RAB38: variants seen among roughly 807,000 people sequenced by gnomAD.
RAB38 encodes ras-related protein Rab-38.
In RAB38, 15 loss-of-function variants were observed where a neutral mutation model predicts 18.4. The observed-to-expected ratio is 0.82, with a 90% CI of 0.55 to 1.26. The LOEUF (loss-of-function observed/expected upper bound fraction) is 1.26, where lower values mean the gene tolerates loss of function less well. Ranked by LOEUF, RAB38 falls within the 50% of genes most tolerant of loss-of-function variation. The pLI is 0.00. For missense variants in RAB38, 294 were observed against 267.4 expected (o/e 1.10, Z -0.69); for synonymous variants, 101 against 104.4 (o/e 0.97, Z 0.20).
the RAB38 span, among the ~76,000 whole-genome samples, chr11:87,855,318 G>GA: frequency 1.4e-4 from 22 of 152,104 alleles, no homozygotes; most frequent in African/African-American, 5.1e-4. Context: ...TCATACCCAG[G>GA]AAAAAACATA....
chr11:88,091,175 T>C, the RAB38 span, among the ~76,000 whole-genome samples: 1 of 151,970 alleles, frequency 6.6e-6, no homozygotes, highest in African/African-American at 2.4e-5. Flanking sequence ...GCTCACCCAA[T>C]ATTGGGAGCA....
At chr11:88,008,924 G>T in the RAB38 span, among the ~76,000 whole-genome samples, 1 of 152,214 alleles carries the variant, frequency 6.6e-6, no homozygotes, top group Non-Finnish European at 1.5e-5. Context: ...CGCCCGCCTC[G>T]GCCTCCCAAA....
At chr11:87,877,183 T>C in the RAB38 span, among the ~76,000 whole-genome samples, 6 of 151,558 alleles carry the variant, frequency 4.0e-5, no homozygotes, top group Non-Finnish European at 8.9e-5. Flanking sequence ...GACCTCTTTA[T>C]ACACTGCTTC....
At chr11:87,858,249 G>A in the RAB38 span, among the ~76,000 whole-genome samples, 1 of 151,948 alleles carries the variant, frequency 6.6e-6, no homozygotes, top group African/African-American at 2.4e-5. Context: ...CAGTATGCCT[G>A]GAATCAGCAT....
chr11:88,146,985 A>T (rs1942995499), intron 2 of RAB38, among the ~76,000 whole-genome samples: 1 of 152,208 alleles, frequency 6.6e-6, no homozygotes, highest in South Asian at 2.1e-4. Flanking sequence ...GGTACTAAAC[A>T]TTGTGTCCTT....
At chr11:87,955,532 G>A in the RAB38 span, among the ~76,000 whole-genome samples, 1 of 152,118 alleles carries the variant, frequency 6.6e-6, no homozygotes, top group Admixed American at 6.6e-5. Context: ...TAAAGTATCA[G>A]TAGACAATAT....
At chr11:87,931,656 A>G in the RAB38 span, among the ~76,000 whole-genome samples, 1 of 152,124 alleles carries the variant, frequency 6.6e-6, no homozygotes, top group Non-Finnish European at 1.5e-5. Context: ...TATTTGGATT[A>G]CCCATAATAT....
chr11:88,143,074 C>A (rs1324507489), intron 2 of RAB38, among the ~76,000 whole-genome samples: 1 of 152,162 alleles, frequency 6.6e-6, no homozygotes, highest in Non-Finnish European at 1.5e-5. Context: ...TACGGTAGTG[C>A]AATGTGGTGG....
At chr11:88,129,908 T>G (rs1942746198) in intron 2 of RAB38, among the ~76,000 whole-genome samples, 1 of 152,122 alleles carries the variant, frequency 6.6e-6, no homozygotes, top group East Asian at 1.9e-4. Flanking sequence ...CATATGCAAT[T>G]CTAATATTCA....
chr11:87,929,840 T>A, the RAB38 span, among the ~76,000 whole-genome samples: 7 of 151,966 alleles, frequency 4.6e-5, no homozygotes, highest in African/African-American at 1.7e-4. Flanking sequence ...TTGCGATAGT[T>A]TGCTGAGAAT....
chr11:87,817,648 C>T, the RAB38 span: 2 of 152,042 alleles, frequency 1.3e-5, no homozygotes, highest in African/African-American at 2.4e-5. Context: ...TCACATATTC[C>T]TCAATTGGAA....
At chr11:88,076,302 A>G in the RAB38 span, among the ~76,000 whole-genome samples, 1 of 152,104 alleles carries the variant, frequency 6.6e-6, no homozygotes, top group Non-Finnish European at 1.5e-5. Flanking sequence ...TACATAACAA[A>G]CCTACAGCTA....
At chr11:88,018,442 A>G in the RAB38 span, among the ~76,000 whole-genome samples, 17 of 152,172 alleles carry the variant, frequency 1.1e-4, no homozygotes, top group Admixed American at 5.9e-4. Flanking sequence ...TTATCCTTCC[A>G]TCTCTCTTCT....
chr11:87,975,014 G>A, the RAB38 span, among the ~76,000 whole-genome samples: 2 of 151,836 alleles, frequency 1.3e-5, no homozygotes, highest in African/African-American at 2.4e-5. Context: ...TAATGGAAAA[G>A]CCGTTCTATG....
At chr11:87,971,231 T>C in the RAB38 span, among the ~76,000 whole-genome samples, 3 of 152,060 alleles carry the variant, frequency 2.0e-5, no homozygotes, top group Non-Finnish European at 2.9e-5. Context: ...GTGGATTTAA[T>C]TGGCTATGAG....
chr11:87,854,262 A>G, the RAB38 span, among the ~76,000 whole-genome samples: 2 of 152,216 alleles, frequency 1.3e-5, no homozygotes, highest in Non-Finnish European at 1.5e-5. Context: ...GTGATGTGAT[A>G]TCAGATAAAT....
At chr11:88,086,880 C>T in the RAB38 span, among the ~76,000 whole-genome samples, 1 of 151,816 alleles carries the variant, frequency 6.6e-6, no homozygotes, top group South Asian at 2.1e-4. Flanking sequence ...GTGCCAGTAT[C>T]TACAAAATAA....
the RAB38 span, among the ~76,000 whole-genome samples, chr11:87,848,315 T>G: frequency 2.0e-5 from 3 of 152,106 alleles, no homozygotes; most frequent in Non-Finnish European, 4.4e-5. Context: ...AGCATATCCT[T>G]TCATGCTGGC....
At chr11:87,941,168 G>C in the RAB38 span, among the ~76,000 whole-genome samples, 3 of 125,562 alleles carry the variant, frequency 2.4e-5, no homozygotes, top group Non-Finnish European at 3.3e-5. Context: ...ACTCTTTATC[G>C]TATGTATTTT....
Sources: allele counts gnomAD v4.1 joint callset (sites outside exome capture counted in the v4.1 genomes callset), GRCh38; gene constraint gnomAD v4.1.1; transcripts MANE v1.5; gene names NCBI Gene and HGNC (gene_info 2026-07-23, HGNC 2026-07-21).